CDH4: variants seen among roughly 807,000 people sequenced by gnomAD.
CDH4 encodes the protein cadherin-4.
A neutral mutation model predicts 86.0 loss-of-function variants in CDH4; 33 were observed. The ratio of observed to expected loss-of-function variants is 0.38; its 90% confidence interval spans 0.29 to 0.51. The LOEUF (loss-of-function observed/expected upper bound fraction) is 0.51, where lower values mean the gene tolerates loss of function less well. Among genes scored for constraint, CDH4 ranks in the 20% least tolerant of loss-of-function variants. CDH4 has a pLI of 0.86. For missense variants in CDH4, 1,114 were observed against 1,307.4 expected (o/e 0.85, Z 2.28); for synonymous variants, 555 against 549.4 (o/e 1.01, Z -0.14).
intron 2 of CDH4, among the ~76,000 whole-genome samples, chr20:61,381,685 A>C (rs1421184274): frequency 6.6e-6 from 1 of 150,892 alleles, no homozygotes; most frequent in African/African-American, 2.4e-5. Flanking sequence ...CCTAAGGAAT[A>C]TCAATTACTC....
chr20:61,546,084 A>ATGTGTG (rs2086081676), intron 2 of CDH4, among the ~76,000 whole-genome samples: 1 of 518 alleles, frequency 1.9e-3, no homozygotes, highest in Non-Finnish European at 4.3e-3. Flanking sequence ...GTTTGTTCAC[A>ATGTGTG]CGTGTGTGTG....
chr20:61,808,038 G>T (rs1339387653), intron 4 of CDH4, among the ~76,000 whole-genome samples: 7 of 152,210 alleles, frequency 4.6e-5, no homozygotes, highest in African/African-American at 9.6e-5. Flanking sequence ...GGGAATCCCG[G>T]CACAAGGGAG....
At chr20:61,817,020 G>T (rs141130851) in intron 4 of CDH4, among the ~76,000 whole-genome samples, 1 of 152,340 alleles carries the variant, frequency 6.6e-6, no homozygotes, top group African/African-American at 2.4e-5. Flanking sequence ...CTTGGCCGCC[G>T]CATGGAAGAG....
chr20:61,319,128 C>T (rs1324568780), intron 2 of CDH4, among the ~76,000 whole-genome samples: 1 of 152,118 alleles, frequency 6.6e-6, no homozygotes, highest in African/African-American at 2.4e-5. Flanking sequence ...GCTCAGCCCT[C>T]TCTGTAGTAT....
At chr20:61,704,590 G>A (rs1234551172) in intron 2 of CDH4, among the ~76,000 whole-genome samples, 1 of 152,206 alleles carries the variant, frequency 6.6e-6, no homozygotes, top group Non-Finnish European at 1.5e-5. Context: ...TAGGAGTTGG[G>A]GTGTCGTCTC....
chr20:61,824,893 T>C (rs762505274), intron 4 of CDH4, among the ~76,000 whole-genome samples: 1 of 152,238 alleles, frequency 6.6e-6, no homozygotes, highest in Non-Finnish European at 1.5e-5. Context: ...TGTTGACAGC[T>C]GAAGCATGAG....
intron 2 of CDH4, among the ~76,000 whole-genome samples, chr20:61,585,749 G>T: frequency 3.3e-5 from 1 of 30,126 alleles, no homozygotes; most frequent in Admixed American, 4.1e-4. Flanking sequence ...GGAGGATGAT[G>T]GTGATGAAGA....
At chr20:61,694,884 A>C (rs759748547) in intron 2 of CDH4, among the ~76,000 whole-genome samples, 1 of 152,214 alleles carries the variant, frequency 6.6e-6, no homozygotes, top group Non-Finnish European at 1.5e-5. Context: ...AGCCGAAGTG[A>C]AATGTCATAG....
At chr20:61,678,374 A>G (rs1393731734) in intron 2 of CDH4, among the ~76,000 whole-genome samples, 1 of 152,190 alleles carries the variant, frequency 6.6e-6, no homozygotes, top group Admixed American at 6.5e-5. Context: ...ATATAGAAGT[A>G]GCTTCATAAT....
intron 2 of CDH4, among the ~76,000 whole-genome samples, chr20:61,668,935 C>T (rs1017669424): frequency 9.2e-5 from 14 of 152,354 alleles, no homozygotes; most frequent in South Asian, 4.1e-4. Flanking sequence ...CGTCCGCCAG[C>T]CCCTCTCTCC....
Position 61,812,842 on chromosome 20 carries a change from G to T in CDH4, c.577-31826G>T, listed in dbSNP as rs1980508258. Among the ~76,000 whole-genome samples the T allele has an allele frequency of 2.0e-5, 3 of 152,324 alleles. No individual in the cohort carries two copies. The South Asian group carries it at 6.2e-4, about 32-fold the overall frequency. On this transcript the variant is annotated intron_variant, in intron 4 of 15. Transcript: ENST00000614565. The stretch of plus-strand genomic sequence containing the variant: ...GGGTTGTGCTCTCCAGGCCATGACA[G>T]CCATGCAAGCTTCTTCCTGCAGGCC...
intron 2 of CDH4, among the ~76,000 whole-genome samples, chr20:61,339,834 ACT>A (rs753037810): frequency 6.6e-6 from 1 of 151,970 alleles, no homozygotes; most frequent in Non-Finnish European, 1.5e-5. Context: ...ATTTGAGAGG[ACT>A]CTTCCACGTG....
chr20:61,493,236 G>A (rs1399356120), intron 2 of CDH4, among the ~76,000 whole-genome samples: 2 of 152,154 alleles, frequency 1.3e-5, no homozygotes, highest in African/African-American at 4.8e-5. Flanking sequence ...CCTTTCCGGA[G>A]TTCCATTGTC....
At chr20:61,592,765 G>A (rs1220641216) in intron 2 of CDH4, among the ~76,000 whole-genome samples, 1 of 152,128 alleles carries the variant, frequency 6.6e-6, no homozygotes, top group Non-Finnish European at 1.5e-5. Flanking sequence ...CTGCCGTCAT[G>A]GTTCATGTGT....
At chr20:61,366,362 G>T (rs2084810723) in intron 2 of CDH4, among the ~76,000 whole-genome samples, 1 of 152,312 alleles carries the variant, frequency 6.6e-6, no homozygotes, top group Admixed American at 6.5e-5. Flanking sequence ...AAGGCGGGAG[G>T]CTGGGGAGGT....
chr20:61,570,695 A>G, intron 2 of CDH4: 1 of 702,386 alleles, frequency 1.4e-6, no homozygotes, highest in East Asian at 2.7e-5. Flanking sequence ...GAGGAAAGCG[A>G]TGCCAAAGTC....
intron 2 of CDH4, among the ~76,000 whole-genome samples, chr20:61,522,829 A>T (rs2145629585): frequency 6.6e-6 from 1 of 152,276 alleles, no homozygotes; most frequent in South Asian, 2.1e-4. Flanking sequence ...TTTATTTTTG[A>T]AGTTATCCTG....
At chr20:61,666,702 C>A (rs139794864) in intron 2 of CDH4, among the ~76,000 whole-genome samples, 1 of 152,212 alleles carries the variant, frequency 6.6e-6, no homozygotes, top group African/African-American at 2.4e-5. Flanking sequence ...GAACCCCCTC[C>A]GCCCCAGATC....
chr20:61,596,064 A>C (rs1188155610), intron 2 of CDH4, among the ~76,000 whole-genome samples: 1 of 152,256 alleles, frequency 6.6e-6, no homozygotes, highest in African/African-American at 2.4e-5. Flanking sequence ...TGACAGAGAC[A>C]GTGCCGGGAC....
Sources: allele counts gnomAD v4.1 joint callset (sites outside exome capture counted in the v4.1 genomes callset), GRCh38; gene constraint gnomAD v4.1.1; transcripts MANE v1.5; gene names NCBI Gene and HGNC (gene_info 2026-07-23, HGNC 2026-07-21).